The following LLGL2 variants were observed in gnomAD, a reference collection of about 807,000 sequenced individuals.
LLGL2 encodes LLGL2, scribble cell polarity complex component.
In LLGL2, 81 loss-of-function variants were observed where a neutral mutation model predicts 123.2. That is an observed-to-expected ratio of 0.66 (90% confidence interval 0.55 to 0.79). The LOEUF (loss-of-function observed/expected upper bound fraction) is 0.79, where lower values mean the gene tolerates loss of function less well. LLGL2 is among the 30% of genes least tolerant of loss of function. The pLI is 0.00. For missense variants in LLGL2, 1,273 were observed against 1,414.6 expected, an observed-to-expected ratio of 0.90 and a Z score of 1.61; for synonymous variants, 577 against 594.1, an observed-to-expected ratio of 0.97 and a Z score of 0.42.
At chr17:75,547,640 C>A (rs1190949801) in intron 2 of LLGL2, among the ~76,000 whole-genome samples, 1 of 152,174 alleles carries the variant, frequency 6.6e-6, no homozygotes, top group East Asian at 1.9e-4. Context: ...GCCTGGCCAA[C>A]ATGGCGAAAC....
At chr17:75,562,874 A>G (rs1227636812) in intron 6 of LLGL2, 142 bp from the exon 7 acceptor site, 4 of 1,076,730 alleles carry the variant, frequency 3.7e-6, no homozygotes, top group Non-Finnish European at 5.3e-6. Context: ...TCGGCCATCC[A>G]CTGCGCCCAG....
At chr17:75,537,591 G>C (rs763113069) in intron 1 of LLGL2, among the ~76,000 whole-genome samples, 1 of 152,048 alleles carries the variant, frequency 6.6e-6, no homozygotes, top group Admixed American at 6.6e-5. Context: ...CCAGCTACTT[G>C]GGAGGCTGAG....
chr17:75,529,722 G>A (rs1020107525), intron 1 of LLGL2, among the ~76,000 whole-genome samples: 4 of 151,666 alleles, frequency 2.6e-5, no homozygotes, highest in African/African-American at 7.3e-5. Context: ...TTAGCTGGGC[G>A]TGGTGGTGCG....
At chr17:75,554,860 G>A (rs2054832578) in intron 2 of LLGL2, among the ~76,000 whole-genome samples, 1 of 148,288 alleles carries the variant, frequency 6.7e-6, no homozygotes, top group African/African-American at 2.5e-5. Flanking sequence ...CTGCACTCCA[G>A]CCTGGGCGAC....
intron 13 of LLGL2, 39 bp downstream of exon 13, chr17:75,569,170 C>T: frequency 6.2e-7 from 1 of 1,612,550 alleles, no homozygotes; most frequent in African/African-American, 1.3e-5. Flanking sequence ...GGGCAGAGGC[C>T]AGCTGGGTCC....
At position 75,559,201 on chromosome 17, in the gene LLGL2, A is replaced by G. The variant is rs1175218511; in HGVS notation, c.372-51A>G. The G allele has an allele frequency of 2.0e-6, 3 of 1,520,350 alleles. No homozygotes were observed. In the East Asian group the frequency reaches 7.0e-5, roughly 36 times the overall value. 94.2% of individuals were successfully genotyped at this position (1,520,350 alleles called of 1,614,324 possible). On this transcript the variant is annotated intron_variant, in intron 5 of 25. Coordinates refer to ENST00000392550, the MANE Select transcript of LLGL2 (RefSeq NM_001031803.2). This position sits in a 1 kb window ranked among gnomAD's most constrained non-coding sequence, Gnocchi z 4.6. ...GGAGTCAGGGGACCCCGTCCATGGC[A>G]TCTCCCCTGCTGGGCAGTGGTCGGC... is the stretch of plus-strand genomic sequence containing the variant.
rs545498207 is a variant in LLGL2 at position 75,545,579 on chromosome 17, C to T, written c.75+2078C>T. On this transcript the variant is annotated intron_variant, in intron 2 of 25. Transcript: ENST00000392550. ...CCAGATCCCAGAGGATTTGGGATCC[C>T]GTCTGCCCTGCCCCTCCCCAGCCCA... is the stretch of plus-strand genomic sequence containing the variant. Among the ~76,000 whole-genome samples, 10 of 152,218 alleles carry T rather than the reference C, an allele frequency of 6.6e-5. No individual in the cohort carries two copies. The South Asian group carries it at 1.2e-3, about 19-fold the overall frequency.
intron 1 of LLGL2, among the ~76,000 whole-genome samples, chr17:75,539,489 C>T (rs547929087): frequency 1.9e-3 from 292 of 152,230 alleles, no homozygotes; most frequent in African/African-American, 6.9e-3. Flanking sequence ...AGTGATCCTC[C>T]CACCTTGGCC....
At chr17:75,534,822 G>C (rs1375084375) in intron 1 of LLGL2, among the ~76,000 whole-genome samples, 1 of 152,208 alleles carries the variant, frequency 6.6e-6, no homozygotes, top group Non-Finnish European at 1.5e-5. Flanking sequence ...GGGCCACTCT[G>C]AATCGATCAC....
intron 17 of LLGL2, 63 bp from the exon 18 acceptor site, chr17:75,571,604 G>A (rs1272292442): frequency 8.0e-7 from 1 of 1,253,992 alleles, no homozygotes; most frequent in Middle Eastern, 2.2e-4. Flanking sequence ...GTAAACCCTG[G>A]TTGCCCAGCT....
At chr17:75,563,557 G>A (rs2055319057) in intron 8 of LLGL2, 94 bp downstream of exon 8, 1 of 1,558,938 alleles carries the variant, frequency 6.4e-7, no homozygotes, top group African/African-American at 1.4e-5. Flanking sequence ...CAGGGCCAGA[G>A]AGGGTAAAGG....
intron 1 of LLGL2, among the ~76,000 whole-genome samples, chr17:75,526,086 C>G (rs957616144): frequency 2.6e-5 from 4 of 152,164 alleles, no homozygotes; most frequent in African/African-American, 9.7e-5. Flanking sequence ...ATAATGTTGG[C>G]TTAGGAGAGC....
At chr17:75,525,280 C>G (rs920538104), upstream of LLGL2, 4 of 152,434 alleles carry the variant, frequency 2.6e-5, no homozygotes, top group East Asian at 7.7e-4. This position sits in a 1 kb window ranked among gnomAD's most constrained non-coding sequence, Gnocchi z 4.8. Flanking sequence ...CTGCGTCCCC[C>G]GGTCACCCTC....
intron 2 of LLGL2, among the ~76,000 whole-genome samples, chr17:75,546,930 G>A (rs1249859484): frequency 1.3e-5 from 2 of 151,708 alleles, no homozygotes; most frequent in South Asian, 2.1e-4. Context: ...TGGTGTAGGC[G>A]AGGGTCAGGC....
chr17:75,563,544 C>T, intron 8 of LLGL2, 81 bp downstream of exon 8: 2 of 1,580,800 alleles, frequency 1.3e-6, no homozygotes, highest in Non-Finnish European at 1.7e-6. Context: ...CTGAAGCAAA[C>T]TCCAGGGCCA....
Position 75,568,174 on chromosome 17 carries a change from A to G in LLGL2, c.1037-302A>G. 3.9e-6 allele frequency: 5 copies of G among 1,294,972 alleles called. No individual in the cohort carries two copies. In the South Asian group the frequency reaches 8.3e-5, roughly 22 times the overall value. The allele number at this position is 1,294,972 out of a possible 1,614,324, so 80.2% of individuals were successfully genotyped here. A position where few individuals can be genotyped will look rare whatever the true frequency, so the allele number is the denominator to read the frequency against. On this transcript the variant is annotated intron_variant, in intron 10 of 25. Transcript: ENST00000392550. ...CCCCATGGAGGAGAAACCAGGGAAG[A>G]GGGTTGGCAGGCACAGCTGCATGCC... is the stretch of plus-strand genomic sequence containing the variant.
At chr17:75,546,625 G>C in intron 2 of LLGL2, among the ~76,000 whole-genome samples, 1 of 40,772 alleles carries the variant, frequency 2.5e-5, no homozygotes, top group Admixed American at 1.8e-4. Context: ...CGGAGGGCAG[G>C]TCCAGCAGAC....
At chr17:75,563,549 G>C in intron 8 of LLGL2, 86 bp downstream of exon 8, 1 of 1,563,640 alleles carries the variant, frequency 6.4e-7, no homozygotes, top group Non-Finnish European at 8.7e-7. Context: ...GCAAACTCCA[G>C]GGCCAGAGAG....
At chr17:75,565,548 C>T (rs1160331428) in intron 10 of LLGL2, among the ~76,000 whole-genome samples, 1 of 152,222 alleles carries the variant, frequency 6.6e-6, no homozygotes, top group Non-Finnish European at 1.5e-5. Context: ...CATGTTGGCA[C>T]AGAGCGGGGG....
Sources: gnomAD v4.1 joint callset for allele counts (sites outside exome capture counted in the v4.1 genomes callset) on GRCh38, gnomAD v4.1.1 for gene constraint, Gnocchi (gnomAD v3.1) non-coding constraint, MANE v1.5 for transcripts, NCBI Gene and HGNC (gene_info 2026-07-23, HGNC 2026-07-21) for gene names.